The following HS3ST2 variants were observed in gnomAD, a reference collection of about 807,000 sequenced individuals.
HS3ST2 encodes the protein heparan sulfate-glucosamine 3-sulfotransferase 2, also known as heparan sulfate glucosamine 3-O-sulfotransferase 2.
In HS3ST2, 17 loss-of-function variants were observed where a neutral mutation model predicts 26.3. The observed-to-expected ratio is 0.65, with a 90% CI of 0.44 to 0.97. The LOEUF is 0.97. Ranked by LOEUF, HS3ST2 falls within the 50% of genes least tolerant of loss-of-function variation. HS3ST2 has a pLI of 0.00. For synonymous variants in HS3ST2, 237 were observed against 219.2 expected (o/e 1.08, Z -0.72); for missense variants, 402 against 501.2 (o/e 0.80, Z 1.89).
At chr16:22,884,863 C>G (rs1282519599) in intron 1 of HS3ST2, among the ~76,000 whole-genome samples, 1 of 139,302 alleles carries the variant, frequency 7.2e-6, no homozygotes, top group East Asian at 2.1e-4. Context: ...TTTTTTTAAA[C>G]AGAGTCTCAC....
rs190771346 is a variant in HS3ST2 at position 22,857,402 on chromosome 16, G to A, written c.485+42307G>A. On this transcript the variant is annotated intron_variant, in intron 1 of 1. Transcript: ENST00000261374. ...TTTGTGATTTTCACTGTAGCCTCTCGATGAGTATTTGAGATGATTTTAAAG... is the reference window on the plus strand; with the variant it reads ...TTTGTGATTTTCACTGTAGCCTCTCAATGAGTATTTGAGATGATTTTAAAG... Among the ~76,000 whole-genome samples, 69 of 152,170 alleles carry A rather than the reference G, an allele frequency of 4.5e-4. 1 individual carries two copies. Among genetic ancestry groups the A allele is most frequent in the Non-Finnish European group, 7.6e-4 (52 of 68,000 alleles).
chr16:22,878,942 G>C (rs1901953697), intron 1 of HS3ST2, among the ~76,000 whole-genome samples: 1 of 152,232 alleles, frequency 6.6e-6, no homozygotes. Flanking sequence ...TGGAGATGAA[G>C]TCAGAGAAGT....
chr16:22,900,268 T>C (rs1902265601), intron 1 of HS3ST2, among the ~76,000 whole-genome samples: 1 of 152,224 alleles, frequency 6.6e-6, no homozygotes, highest in Non-Finnish European at 1.5e-5. Flanking sequence ...GATTGACTAA[T>C]GGAGACTAGA....
intron 1 of HS3ST2, among the ~76,000 whole-genome samples, chr16:22,852,771 C>A (rs876008): frequency 0.053 from 8,106 of 152,214 alleles, 462 homozygotes; most frequent in African/African-American, 0.14. Flanking sequence ...CCCTAAGGAC[C>A]ACATACCCTT....
chr16:22,842,269 G>A (rs1000604387), intron 1 of HS3ST2, among the ~76,000 whole-genome samples: 30 of 151,772 alleles, frequency 2.0e-4, no homozygotes, highest in African/African-American at 6.5e-4. Context: ...GCCATTGTTG[G>A]TCAAGCTCGT....
At chr16:22,895,030 G>T (rs566453361) in intron 1 of HS3ST2, among the ~76,000 whole-genome samples, 1 of 150,286 alleles carries the variant, frequency 6.7e-6, no homozygotes, top group African/African-American at 2.4e-5. Flanking sequence ...TTATGTACAA[G>T]TTCCAACTAT....
intron 1 of HS3ST2, among the ~76,000 whole-genome samples, chr16:22,866,538 GGCA>G (rs1901755388): frequency 6.6e-6 from 1 of 152,152 alleles, no homozygotes; most frequent in African/African-American, 2.4e-5. Flanking sequence ...GGGAGGCTAA[GGCA>G]GGCAGATCAC....
chr16:22,870,396 C>T (rs545172516), intron 1 of HS3ST2, among the ~76,000 whole-genome samples: 36 of 152,288 alleles, frequency 2.4e-4, no homozygotes, highest in Non-Finnish European at 4.0e-4. Context: ...TTGATTAGTG[C>T]TCTGCCCTTT....
At position 22,915,317 on chromosome 16, in the gene HS3ST2, C is replaced by A; in HGVS notation, c.859C>A (p.Arg287=). 1 of 1,613,968 alleles carries A rather than the reference C, an allele frequency of 6.2e-7. No homozygotes were observed. The highest frequency in any genetic ancestry group is 1.1e-5 in the South Asian group (1 of 91,064). Residue 287 remains arginine, a synonymous_variant, in exon 2 of 2, where the codon CGA becomes AGA. Transcript: ENST00000261374. ...LITDPAGEMG[R]VQDFLGIKRF... ...CACTGACCCGGCCGGCGAGATGGGGCGAGTCCAGGACTTCCTGGGCATTAA... is the reference window on the plus strand; with the variant it reads ...CACTGACCCGGCCGGCGAGATGGGGAGAGTCCAGGACTTCCTGGGCATTAA...
Position 22,915,279 on chromosome 16 carries a change from G to A in HS3ST2, c.821G>A (p.Gly274Asp). Residue 274 changes from glycine to aspartate, a missense_variant, in exon 2 of 2, where the codon GGC becomes GAC. Transcript: ENST00000261374. ...FPLAQIHFVS[G>D]ERLITDPAGE... ...CTAGCTCAGATTCACTTCGTCAGTG[G>A]CGAGCGACTCATCACTGACCCGGCC... 1 of 1,614,082 alleles carries A rather than the reference G, an allele frequency of 6.2e-7. No homozygotes were observed. Among genetic ancestry groups the A allele is most frequent in the Non-Finnish European group, 8.5e-7 (1 of 1,180,028 alleles).
At chr16:22,871,766 G>A (rs1210722437) in intron 1 of HS3ST2, among the ~76,000 whole-genome samples, 1 of 152,212 alleles carries the variant, frequency 6.6e-6, no homozygotes, top group Non-Finnish European at 1.5e-5. Context: ...GATTTGACAG[G>A]CAAAGTCTCA....
chr16:22,826,098 T>A (rs1340553769), intron 1 of HS3ST2, among the ~76,000 whole-genome samples: 1 of 152,212 alleles, frequency 6.6e-6, no homozygotes, highest in Non-Finnish European at 1.5e-5. Context: ...TGCCAGGCAA[T>A]GTGCTAAGCC....
intron 1 of HS3ST2, among the ~76,000 whole-genome samples, chr16:22,827,411 T>A (rs534426718): frequency 6.6e-6 from 1 of 152,298 alleles, no homozygotes; most frequent in East Asian, 1.9e-4. Flanking sequence ...CTACAAGGAT[T>A]TCTTGGGCTG....
intron 1 of HS3ST2, among the ~76,000 whole-genome samples, chr16:22,837,131 T>TC (rs397963277): frequency 5.4e-5 from 8 of 148,814 alleles, no homozygotes; most frequent in Admixed American, 1.3e-4. Flanking sequence ...TTTTTTTTTT[T>TC]CCATTATTTA....
chr16:22,880,730 A>G lies in HS3ST2; in HGVS notation c.486-34214A>G, dbSNP rs969220433. On this transcript the variant is annotated intron_variant, in intron 1 of 1. Transcript: ENST00000261374. ...CTGCTGGGATTTCTTCAGGAATGGC[A>G]TGTGACTCAAAATGGGTGAATCCAA... is the stretch of plus-strand genomic sequence containing the variant. Among the ~76,000 whole-genome samples the G allele has an allele frequency of 2.0e-5, 3 of 152,182 alleles. No individual in the cohort carries two copies. The East Asian group carries it at 5.8e-4, about 29-fold the overall frequency.
chr16:22,895,435 T>C (rs946117409), intron 1 of HS3ST2, among the ~76,000 whole-genome samples: 2 of 152,228 alleles, frequency 1.3e-5, no homozygotes, highest in East Asian at 3.8e-4. Flanking sequence ...GATTCTACTT[T>C]CCGTGGAATT....
rs116817543 is a variant in HS3ST2 at position 22,847,661 on chromosome 16, T to A, written c.485+32566T>A. On this transcript the variant is annotated intron_variant, in intron 1 of 1. Transcript: ENST00000261374. Reference sequence around the variant, plus strand: ...AACTGAAAACATGAGTTAATACATATATTTTTTAAAGGAGCTGTGCGAAGG... The same window carrying A: ...AACTGAAAACATGAGTTAATACATAAATTTTTTAAAGGAGCTGTGCGAAGG... Among the ~76,000 whole-genome samples the A allele has an allele frequency of 5.7e-3, 859 of 151,704 alleles. 5 individuals carry two copies. Among genetic ancestry groups the A allele is most frequent in the Middle Eastern group, 0.024 (7 of 292 alleles).
chr16:22,910,906 G>A (rs1198715390), intron 1 of HS3ST2, among the ~76,000 whole-genome samples: 1 of 152,186 alleles, frequency 6.6e-6, no homozygotes, highest in African/African-American at 2.4e-5. Flanking sequence ...TTAGCTTTAA[G>A]ATGGAGGAGA....
At chr16:22,883,032 A>G (rs1306256929) in intron 1 of HS3ST2, among the ~76,000 whole-genome samples, 1 of 141,628 alleles carries the variant, frequency 7.1e-6, no homozygotes, top group Non-Finnish European at 1.6e-5. Flanking sequence ...TCCATCTCAG[A>G]AAAAAAAAAA....
Sources: gnomAD v4.1 joint callset for allele counts (sites outside exome capture counted in the v4.1 genomes callset) on GRCh38, gnomAD v4.1.1 for gene constraint, MANE v1.5 for transcripts, NCBI Gene and HGNC (gene_info 2026-07-23, HGNC 2026-07-21) for gene names.